The following HEMK2 variants were observed in gnomAD, a reference collection of about 807,000 sequenced individuals.
HEMK2 encodes HemK methyltransferase 2, ETF1 glutamine and histone H4 lysine, also known as methyltransferase HEMK2.
chr21:28,634,460 G>C, the HEMK2 span, among the ~76,000 whole-genome samples: 1 of 152,184 alleles, frequency 6.6e-6, no homozygotes, highest in Non-Finnish European at 1.5e-5. Context: ...CATAGCACAG[G>C]ACAAAAATAG....
At chr21:28,759,477 G>T in the HEMK2 span, among the ~76,000 whole-genome samples, 132 of 152,260 alleles carry the variant, frequency 8.7e-4, no homozygotes, top group Admixed American at 4.1e-3. Context: ...CTTGTCTTTG[G>T]TATGACTTTG....
the HEMK2 span, among the ~76,000 whole-genome samples, chr21:28,631,778 G>A: frequency 7.0e-6 from 1 of 142,050 alleles, no homozygotes; most frequent in African/African-American, 2.8e-5. Context: ...TCTTTGGAGT[G>A]AAGACTTCAA....
the HEMK2 span, among the ~76,000 whole-genome samples, chr21:28,603,905 C>T: frequency 6.6e-6 from 1 of 152,186 alleles, no homozygotes; most frequent in Non-Finnish European, 1.5e-5. Flanking sequence ...GAGTGCATGT[C>T]TACCCAGAAG....
chr21:28,701,545 GCCACACACACACATAC>G, the HEMK2 span, among the ~76,000 whole-genome samples: 9 of 123,350 alleles, frequency 7.3e-5, no homozygotes, highest in African/African-American at 3.2e-4. Context: ...ATTCACAATA[GCCACACACACACATAC>G]ACACACACAC....
the HEMK2 span, among the ~76,000 whole-genome samples, chr21:28,653,217 A>G: frequency 6.6e-6 from 1 of 152,228 alleles, no homozygotes; most frequent in African/African-American, 2.4e-5. Flanking sequence ...AAAACCCTCC[A>G]AGGCTAAATC....
At chr21:28,648,965 G>A in the HEMK2 span, among the ~76,000 whole-genome samples, 3 of 138,242 alleles carry the variant, frequency 2.2e-5, no homozygotes, top group African/African-American at 3.0e-5. Flanking sequence ...GCCCTGGTGT[G>A]TGATGTTCCC....
At chr21:28,663,317 G>T in the HEMK2 span, among the ~76,000 whole-genome samples, 1 of 152,170 alleles carries the variant, frequency 6.6e-6, no homozygotes, top group Non-Finnish European at 1.5e-5. Context: ...ACTGCAGTGC[G>T]GTAATGTGAG....
the HEMK2 span, among the ~76,000 whole-genome samples, chr21:28,854,258 A>G: frequency 6.6e-5 from 10 of 152,190 alleles, no homozygotes; most frequent in South Asian, 4.1e-4. Flanking sequence ...AAATGCATTT[A>G]TTTTGCATAA....
chr21:28,749,312 T>C, the HEMK2 span, among the ~76,000 whole-genome samples: 2 of 152,212 alleles, frequency 1.3e-5, no homozygotes, highest in Non-Finnish European at 2.9e-5. Flanking sequence ...CTATGTTATA[T>C]GGGCCAAGCA....
At chr21:28,854,755 C>T in the HEMK2 span, among the ~76,000 whole-genome samples, 1 of 152,156 alleles carries the variant, frequency 6.6e-6, no homozygotes, top group Admixed American at 6.5e-5. Flanking sequence ...ATATTCTAGT[C>T]ACACTGGCAG....
At chr21:28,627,829 A>T in the HEMK2 span, among the ~76,000 whole-genome samples, 120 of 152,310 alleles carry the variant, frequency 7.9e-4, no homozygotes, top group African/African-American at 2.6e-3. Context: ...AATTGAAAGT[A>T]CCACTGATTG....
chr21:28,800,937 A>G, the HEMK2 span, among the ~76,000 whole-genome samples: 3 of 152,244 alleles, frequency 2.0e-5, no homozygotes, highest in Admixed American at 1.3e-4. Context: ...CTCATCTCAT[A>G]CAGCCTCTTC....
chr21:28,654,561 G>A, the HEMK2 span, among the ~76,000 whole-genome samples: 4 of 152,010 alleles, frequency 2.6e-5, no homozygotes, highest in Non-Finnish European at 4.4e-5. Flanking sequence ...GTTCTCTCCC[G>A]TGGAACTTGC....
At chr21:28,580,998 A>G in the HEMK2 span, among the ~76,000 whole-genome samples, 3 of 152,178 alleles carry the variant, frequency 2.0e-5, no homozygotes, top group Non-Finnish European at 2.9e-5. Context: ...GCCAACGTGA[A>G]TAATGGCCTT....
At chr21:28,731,913 T>C in the HEMK2 span, among the ~76,000 whole-genome samples, 1 of 152,196 alleles carries the variant, frequency 6.6e-6, no homozygotes, top group Non-Finnish European at 1.5e-5. Context: ...GCCATGAACC[T>C]TGCCAGTAGC....
At chr21:28,618,283 T>C in the HEMK2 span, among the ~76,000 whole-genome samples, 1 of 152,158 alleles carries the variant, frequency 6.6e-6, no homozygotes, top group African/African-American at 2.4e-5. Flanking sequence ...AAGTAAAATG[T>C]TCAGGTTTTC....
chr21:28,714,390 A>G, the HEMK2 span, among the ~76,000 whole-genome samples: 4 of 152,232 alleles, frequency 2.6e-5, no homozygotes, highest in African/African-American at 9.6e-5. Flanking sequence ...AATTTTGCTC[A>G]AAATATCACT....
chr21:28,603,768 C>T, the HEMK2 span, among the ~76,000 whole-genome samples: 4 of 152,118 alleles, frequency 2.6e-5, no homozygotes, highest in Non-Finnish European at 5.9e-5. Flanking sequence ...TGTTTAGTTT[C>T]GGCAGCTCAG....
the HEMK2 span, among the ~76,000 whole-genome samples, chr21:28,849,149 G>A: frequency 6.6e-6 from 1 of 152,146 alleles, no homozygotes; most frequent in Non-Finnish European, 1.5e-5. Flanking sequence ...CGGTACAGAA[G>A]GTTCCTAACT....
Sources: allele counts gnomAD v4.1 joint callset (sites outside exome capture counted in the v4.1 genomes callset), GRCh38; gene constraint gnomAD v4.1.1; transcripts MANE v1.5; gene names NCBI Gene and HGNC (gene_info 2026-07-23, HGNC 2026-07-21).